The following EFNA5 variants were observed in gnomAD, a reference collection of about 807,000 sequenced individuals.
EFNA5 encodes ephrin-A5.
Under a neutral mutation model 22.9 loss-of-function variants are expected in EFNA5, and 5 were observed. The observed-to-expected ratio is 0.22, with a 90% CI of 0.11 to 0.46. The LOEUF (loss-of-function observed/expected upper bound fraction) is 0.46. Among genes scored for constraint, EFNA5 ranks in the 20% least tolerant of loss-of-function variants. The pLI, the probability that EFNA5 is intolerant of heterozygous loss-of-function variation, is 0.99. For synonymous variants in EFNA5, 113 were observed against 112.2 expected, an observed-to-expected ratio of 1.01 and a Z score of -0.04; for missense variants, 237 against 293.3, an observed-to-expected ratio of 0.81 and a Z score of 1.40.
At chr5:107,620,935 C>T (rs1187077980) in intron 1 of EFNA5, among the ~76,000 whole-genome samples, 1 of 152,022 alleles carries the variant, frequency 6.6e-6, no homozygotes, top group Non-Finnish European at 1.5e-5. Context: ...AAGAAAAATC[C>T]ATATTTGGAT....
intron 1 of EFNA5, among the ~76,000 whole-genome samples, chr5:107,586,376 T>G (rs1749186725): frequency 6.6e-6 from 1 of 152,124 alleles, no homozygotes; most frequent in Non-Finnish European, 1.5e-5. Flanking sequence ...GGCTATTGAG[T>G]ACACAACTGA....
At chr5:107,389,472 C>T (rs948222927) in intron 2 of EFNA5, among the ~76,000 whole-genome samples, 37 of 152,142 alleles carry the variant, frequency 2.4e-4, no homozygotes, top group African/African-American at 8.2e-4. Context: ...CACTGCTGTT[C>T]AATGAATTTC....
intron 1 of EFNA5, among the ~76,000 whole-genome samples, chr5:107,466,084 A>T (rs1749972387): frequency 6.6e-6 from 1 of 152,150 alleles, no homozygotes; most frequent in African/African-American, 2.4e-5. Context: ...ACCCAACCGC[A>T]GGTGCTTGTG....
At chr5:107,438,625 A>C (rs1749177589) in intron 1 of EFNA5, among the ~76,000 whole-genome samples, 1 of 152,172 alleles carries the variant, frequency 6.6e-6, no homozygotes, top group Admixed American at 6.5e-5. Flanking sequence ...TCTGTTCTTC[A>C]AGCTGGGATC....
intron 1 of EFNA5, among the ~76,000 whole-genome samples, chr5:107,563,075 C>T (rs1748585026): frequency 6.6e-6 from 1 of 152,174 alleles, no homozygotes; most frequent in African/African-American, 2.4e-5. Context: ...GAGAGGGATG[C>T]ATGGGTTTTC....
At chr5:107,474,159 C>A (rs961977393) in intron 1 of EFNA5, among the ~76,000 whole-genome samples, 2 of 152,098 alleles carry the variant, frequency 1.3e-5, no homozygotes, top group African/African-American at 4.8e-5. Flanking sequence ...CATGTTTCTA[C>A]CTTCTCTTGA....
intron 1 of EFNA5, among the ~76,000 whole-genome samples, chr5:107,574,254 T>C (rs562542752): frequency 2.3e-3 from 343 of 152,270 alleles, no homozygotes; most frequent in Middle Eastern, 0.01. Flanking sequence ...CATCACTAAA[T>C]GGTGGAAAGT....
At chr5:107,532,846 A>G (rs1747844057) in intron 1 of EFNA5, among the ~76,000 whole-genome samples, 1 of 152,208 alleles carries the variant, frequency 6.6e-6, no homozygotes, top group Non-Finnish European at 1.5e-5. Context: ...AAGTATGAAT[A>G]CTTTACGCCA....
intron 1 of EFNA5, among the ~76,000 whole-genome samples, chr5:107,446,760 T>TAA (rs11371732): frequency 0.039 from 5,976 of 151,556 alleles, 393 homozygotes; most frequent in African/African-American, 0.14. Flanking sequence ...ATAAAAAACT[T>TAA]AAAAAAATAA....
intron 1 of EFNA5, among the ~76,000 whole-genome samples, chr5:107,603,042 G>A (rs1306705146): frequency 1.3e-5 from 2 of 152,184 alleles, no homozygotes; most frequent in Non-Finnish European, 2.9e-5. Flanking sequence ...TTCTTAATGA[G>A]GGTCCTGGTT....
intron 1 of EFNA5, among the ~76,000 whole-genome samples, chr5:107,474,837 G>A (rs1750240029): frequency 6.6e-6 from 1 of 152,150 alleles, no homozygotes; most frequent in Admixed American, 6.5e-5. Flanking sequence ...ATAAATGAAT[G>A]ACTAATTAAG....
intron 1 of EFNA5, among the ~76,000 whole-genome samples, chr5:107,541,763 A>C (rs771500153): frequency 3.3e-5 from 5 of 152,244 alleles, no homozygotes; most frequent in Non-Finnish European, 7.3e-5. Flanking sequence ...AGGATAGGGA[A>C]GAAATTAGAG....
intron 1 of EFNA5, among the ~76,000 whole-genome samples, chr5:107,573,834 G>C (rs190053309): frequency 6.6e-6 from 1 of 152,276 alleles, no homozygotes; most frequent in African/African-American, 2.4e-5. Context: ...ACCAGTTTTG[G>C]GAATAAGCTT....
chr5:107,483,583 C>T (rs1750543041), intron 1 of EFNA5, among the ~76,000 whole-genome samples: 2 of 152,086 alleles, frequency 1.3e-5, no homozygotes, highest in Non-Finnish European at 2.9e-5. Context: ...TGACCTAAAG[C>T]CAGGGGATGG....
intron 1 of EFNA5, among the ~76,000 whole-genome samples, chr5:107,550,504 C>T (rs1748270781): frequency 6.6e-6 from 1 of 152,126 alleles, no homozygotes; most frequent in African/African-American, 2.4e-5. Flanking sequence ...GATTCAACTT[C>T]CCCATTTTTC....
chr5:107,422,296 T>G (rs1369163717), intron 2 of EFNA5, among the ~76,000 whole-genome samples: 1 of 152,220 alleles, frequency 6.6e-6, no homozygotes, highest in Non-Finnish European at 1.5e-5. Flanking sequence ...TCCTTACTTA[T>G]TAAACATCTG....
chr5:107,385,553 T>G (rs1747592091), intron 4 of EFNA5, among the ~76,000 whole-genome samples: 1 of 152,154 alleles, frequency 6.6e-6, no homozygotes, highest in African/African-American at 2.4e-5. Flanking sequence ...CCTCTAATAA[T>G]GGTAAGAGAC....
At chr5:107,386,389 A>G (rs1694577464) in intron 4 of EFNA5, among the ~76,000 whole-genome samples, 1 of 152,064 alleles carries the variant, frequency 6.6e-6, no homozygotes, top group Non-Finnish European at 1.5e-5. Flanking sequence ...CCTCTCAGTT[A>G]ATCTAGTTTT....
chr5:107,523,016 G>C (rs980378186), intron 1 of EFNA5, among the ~76,000 whole-genome samples: 2 of 152,060 alleles, frequency 1.3e-5, no homozygotes, highest in Admixed American at 6.6e-5. Context: ...GATTCCACAA[G>C]ACAGATAAAG....
Sources: allele counts gnomAD v4.1 joint callset (sites outside exome capture counted in the v4.1 genomes callset), GRCh38; gene constraint gnomAD v4.1.1; transcripts MANE v1.5; gene names NCBI Gene and HGNC (gene_info 2026-07-23, HGNC 2026-07-21).